Variants in CTBP2 observed in about 807,000 individuals in gnomAD.
CTBP2 encodes C-terminal-binding protein 2.
CTBP2 carries 30 observed loss-of-function variants against 80.3 expected under a neutral mutation model. The ratio of observed to expected loss-of-function variants is 0.37; its 90% CI spans 0.28 to 0.51. The LOEUF (loss-of-function observed/expected upper bound fraction) is 0.51, where lower values mean the gene tolerates loss of function less well. Among genes scored for constraint, CTBP2 ranks in the 20% least tolerant of loss-of-function variants. The pLI, the probability that CTBP2 is intolerant of heterozygous loss-of-function variation, is 0.93. For missense variants in CTBP2, 1,212 were observed against 1,375.3 expected (o/e 0.88, Z 1.88); for synonymous variants, 594 against 587.4 (o/e 1.01, Z -0.16).
intron 1 of CTBP2, among the ~76,000 whole-genome samples, chr10:125,020,362 C>T (rs1398799478): frequency 2.6e-5 from 4 of 152,162 alleles, no homozygotes; most frequent in Non-Finnish European, 5.9e-5. Context: ...GAAGCTATGG[C>T]CCCATGACCT....
intron 2 of CTBP2, among the ~76,000 whole-genome samples, chr10:125,097,465 C>T (rs572941623): frequency 1.3e-3 from 200 of 152,234 alleles, no homozygotes; most frequent in African/African-American, 4.6e-3. Context: ...AGTTCTCTAC[C>T]GTGGAGAAGT....
chr10:125,027,234 C>T lies in CTBP2; in HGVS notation c.526G>A (p.Gly176Arg), dbSNP rs775817587. The change falls in exon 1 of 9, where the codon GGG (glycine) becomes AGG (arginine). Residue 176 changes from glycine to arginine, a missense_variant. Gly to Arg is a moderately radical substitution (Grantham distance 125). Around this residue, in one of 3 missense-constraint regions of CTBP2, gnomAD observed 848 missense variants for 782.3 expected, o/e 1.08. Coordinates refer to ENST00000309035, the MANE Select transcript of CTBP2 (RefSeq NM_022802.3). ...GCAGCCCTGCTCTGTGTCTGCCGCC[C>T]CTGAGGGATCATTTTACCTCCAGGA... is the stretch of plus-strand genomic sequence containing the variant. The T allele has an allele frequency of 8.1e-6, 13 of 1,613,422 alleles. No homozygotes were observed. Among genetic ancestry groups the T allele is most frequent in the Non-Finnish European group, 1.1e-5 (13 of 1,179,976 alleles).
chr10:125,161,575 C>A (rs1447190508), upstream of CTBP2, among the ~76,000 whole-genome samples: 1 of 152,152 alleles, frequency 6.6e-6, no homozygotes, highest in African/African-American at 2.4e-5. Flanking sequence ...CCACAGGGGG[C>A]ACTTGCGCTC....
chr10:125,153,342 T>C (rs971118061), intron 1 of CTBP2, among the ~76,000 whole-genome samples: 1 of 152,184 alleles, frequency 6.6e-6, no homozygotes, highest in Non-Finnish European at 1.5e-5. Context: ...AGGATCCAGA[T>C]GGATTTGCAA....
Position 124,986,006 on chromosome 10 carries a change from G to A in CTBP2, c.*3512C>T, listed in dbSNP as rs1952025432. The A allele has an allele frequency of 6.6e-6, 1 of 152,380 alleles. No individual in the cohort carries two copies. Among genetic ancestry groups the A allele is most frequent in the African/African-American group, 2.4e-5 (1 of 41,428 alleles). 9.4% of individuals were successfully genotyped at this position (152,380 alleles called of 1,614,324 possible). The stretch of plus-strand genomic sequence containing the variant: ...AATAAAGATTTTAAAAATGCAATAA[G>A]GTGGCAAATGCATTGTATGAAGAAT... On this transcript the variant is annotated 3_prime_UTR_variant, in exon 9 of 9. Coordinates refer to ENST00000309035, the MANE Select transcript of CTBP2 (RefSeq NM_022802.3).
At chr10:125,001,640 T>TCTC (rs1204135364) in intron 3 of CTBP2, 10 of 152,364 alleles carry the variant, frequency 6.6e-5, no homozygotes, top group Admixed American at 5.9e-4. Context: ...TGAGTGACTC[T>TCTC]CTCTCCTTCC....
intron 1 of CTBP2, among the ~76,000 whole-genome samples, chr10:125,144,012 C>T (rs921125805): frequency 6.6e-6 from 1 of 152,174 alleles, no homozygotes; most frequent in East Asian, 1.9e-4. Context: ...AGCACCCAGA[C>T]GCTCCCCAGA....
chr10:125,073,287 G>A (rs1193646051), intron 2 of CTBP2, among the ~76,000 whole-genome samples: 1 of 152,206 alleles, frequency 6.6e-6, no homozygotes, highest in African/African-American at 2.4e-5. Flanking sequence ...CCAGGCTGGA[G>A]TGCAGTGACG....
chr10:124,991,220 T>C (rs1354203049), intron 8 of CTBP2, among the ~76,000 whole-genome samples: 1 of 152,148 alleles, frequency 6.6e-6, no homozygotes, highest in African/African-American at 2.4e-5. Context: ...TCCATCCAGG[T>C]AGAGGAGGAG....
At chr10:125,058,973 C>A (rs2936540) in intron 2 of CTBP2, among the ~76,000 whole-genome samples, 85,121 of 152,042 alleles carry the variant, frequency 0.56, 26,646 homozygotes, top group African/African-American at 0.85. Flanking sequence ...ACCAAAAGCA[C>A]ATCCCCACGG....
chr10:124,990,046 T>C (rs552921530), intron 8 of CTBP2, among the ~76,000 whole-genome samples: 1 of 150,584 alleles, frequency 6.6e-6, no homozygotes, highest in Non-Finnish European at 1.5e-5. Flanking sequence ...CTAATAGTTT[T>C]TTTTTTTTTT....
chr10:125,096,907 A>G (rs1849631086), intron 2 of CTBP2, among the ~76,000 whole-genome samples: 1 of 152,226 alleles, frequency 6.6e-6, no homozygotes, highest in African/African-American at 2.4e-5. Context: ...GAACTGTAGC[A>G]GCGAATTAAC....
chr10:125,083,632 G>A (rs1564878703), intron 2 of CTBP2, among the ~76,000 whole-genome samples: 2 of 152,134 alleles, frequency 1.3e-5, no homozygotes, highest in Non-Finnish European at 2.9e-5. Flanking sequence ...TACACTCGCT[G>A]TTGTTTGTTT....
At chr10:125,010,218 TTAAAAAA>T (rs1955717383) in intron 1 of CTBP2, among the ~76,000 whole-genome samples, 1 of 100,770 alleles carries the variant, frequency 9.9e-6, no homozygotes, top group South Asian at 2.6e-4. Context: ...TATTTTAAGG[TTAAAAAA>T]AAAAAAAAAA....
At chr10:125,093,657 G>C (rs1849114281) in intron 2 of CTBP2, among the ~76,000 whole-genome samples, 1 of 152,182 alleles carries the variant, frequency 6.6e-6, no homozygotes. Flanking sequence ...AATATCACTG[G>C]ACAGATAATT....
intron 1 of CTBP2, among the ~76,000 whole-genome samples, chr10:125,021,381 C>A (rs1957022990): frequency 6.6e-6 from 1 of 152,182 alleles, no homozygotes; most frequent in Admixed American, 6.5e-5. Flanking sequence ...CTCCTTCGGG[C>A]CATGCATTCA....
intron 2 of CTBP2, among the ~76,000 whole-genome samples, chr10:125,084,129 T>C (rs1482951539): frequency 2.0e-5 from 3 of 152,086 alleles, no homozygotes; most frequent in Non-Finnish European, 2.9e-5. Context: ...CACTATGTTA[T>C]TTTATTTTTT....
chr10:125,147,954 C>G (rs1033988849), intron 1 of CTBP2, among the ~76,000 whole-genome samples: 9 of 152,162 alleles, frequency 5.9e-5, no homozygotes, highest in Non-Finnish European at 1.2e-4. Context: ...GTTCTAAAGG[C>G]TTTAGAAACA....
chr10:125,049,429 C>A (rs958347225), intron 2 of CTBP2, among the ~76,000 whole-genome samples: 4 of 152,148 alleles, frequency 2.6e-5, no homozygotes, highest in Non-Finnish European at 5.9e-5. Context: ...GGAGCCCCCA[C>A]CTGAGCTCCG....
Sources: gnomAD v4.1 joint callset for allele counts (sites outside exome capture counted in the v4.1 genomes callset) on GRCh38, gnomAD v4.1.1 for gene constraint, gnomAD v4.1.1 regional missense constraint, MANE v1.5 for transcripts, NCBI Gene and HGNC (gene_info 2026-07-23, HGNC 2026-07-21) for gene names.